The following PREX1 variants were observed in gnomAD, a reference collection of about 807,000 sequenced individuals.
PREX1 encodes the protein phosphatidylinositol-3,4,5-trisphosphate dependent Rac exchange factor 1.
Under a neutral mutation model 198.3 loss-of-function variants are expected in PREX1, and 41 were observed. That is an observed-to-expected ratio of 0.21 (90% CI 0.16 to 0.27). The LOEUF is 0.27. Ranked by LOEUF, PREX1 falls within the 10% of genes least tolerant of loss-of-function variation. The pLI, the probability that PREX1 is intolerant of heterozygous loss-of-function variation, is 1.00. For missense variants in PREX1, 1,620 were observed against 2,200.7 expected, an observed-to-expected ratio of 0.74 and a Z score of 5.28; for synonymous variants, 843 against 887.2, an observed-to-expected ratio of 0.95 and a Z score of 0.89.
chr20:48,653,292 G>A (rs1431793013), intron 20 of PREX1, 69 bp downstream of exon 20: 2 of 1,574,044 alleles, frequency 1.3e-6, no homozygotes, highest in East Asian at 2.3e-5. Context: ...CTAAAGAGAG[G>A]ACAGCCCTCA....
At chr20:48,713,857 T>TAAAAAAAAAAAAA (rs71337452) in intron 5 of PREX1, among the ~76,000 whole-genome samples, 4 of 81,702 alleles carry the variant, frequency 4.9e-5, no homozygotes, top group Admixed American at 1.1e-4. Flanking sequence ...CCCAGAACTA[T>TAAAAAAAAAAAAA]AAAAAAAAAA....
chr20:48,689,430 C>T (rs1156700207), intron 9 of PREX1, among the ~76,000 whole-genome samples: 5 of 152,136 alleles, frequency 3.3e-5, no homozygotes, highest in African/African-American at 9.7e-5. Flanking sequence ...CGGTTCTCTG[C>T]CCAAGGTTGC....
At chr20:48,744,858 T>G (rs2090100461) in intron 3 of PREX1, among the ~76,000 whole-genome samples, 167 bp downstream of exon 3, 1 of 152,164 alleles carries the variant, frequency 6.6e-6, no homozygotes, top group Non-Finnish European at 1.5e-5. Context: ...CCTGACCTAC[T>G]TCCCATAGTT....
At chr20:48,725,752 T>C (rs1376810928) in intron 5 of PREX1, among the ~76,000 whole-genome samples, 1 of 152,154 alleles carries the variant, frequency 6.6e-6, no homozygotes, top group African/African-American at 2.4e-5. Flanking sequence ...TCTCAGCCAA[T>C]CAGAACACAA....
the PREX1 span, among the ~76,000 whole-genome samples, chr20:48,862,807 A>ATATATATGTGTGTG: frequency 3.2e-5 from 4 of 126,706 alleles, no homozygotes; most frequent in African/African-American, 1.3e-4. Context: ...ATATATATAT[A>ATATATATGTGTGTG]TATATACTAA....
At chr20:48,661,435 A>AC (rs1568809775) in intron 15 of PREX1, among the ~76,000 whole-genome samples, 4 of 108,646 alleles carry the variant, frequency 3.7e-5, no homozygotes, top group African/African-American at 2.1e-4. Context: ...AAAAAAAAAA[A>AC]AAAAAAAAAA....
intron 7 of PREX1, among the ~76,000 whole-genome samples, chr20:48,698,432 C>A (rs1164676593): frequency 3.3e-5 from 5 of 152,126 alleles, no homozygotes; most frequent in African/African-American, 4.8e-5. Context: ...GGCAGAGCGG[C>A]GGGGCAGGGC....
chr20:48,629,386 C>T, intron 37 of PREX1, 63 bp downstream of exon 37: 2 of 1,579,072 alleles, frequency 1.3e-6, no homozygotes, highest in Non-Finnish European at 1.7e-6. Context: ...CCACAGGACC[C>T]CAAACTGACC....
chr20:48,820,434 C>G (rs2090479443), intron 1 of PREX1, among the ~76,000 whole-genome samples: 1 of 152,150 alleles, frequency 6.6e-6, no homozygotes. Flanking sequence ...CAAGGTGGCT[C>G]GAGAGTCTGT....
At chr20:48,842,212 A>C in the PREX1 span, among the ~76,000 whole-genome samples, 1 of 152,236 alleles carries the variant, frequency 6.6e-6, no homozygotes, top group Admixed American at 6.5e-5. Flanking sequence ...TCTGATTAAG[A>C]ATGTGGCACA....
chr20:48,774,159 A>G (rs2090250281), intron 1 of PREX1, among the ~76,000 whole-genome samples: 1 of 152,142 alleles, frequency 6.6e-6, no homozygotes, highest in African/African-American at 2.4e-5. Flanking sequence ...TTTAAGTCTG[A>G]CCTCACGCAA....
intron 35 of PREX1, 72 bp from the exon 36 acceptor site, chr20:48,630,866 A>C: frequency 1.7e-6 from 2 of 1,179,898 alleles, no homozygotes; most frequent in Non-Finnish European, 2.5e-6. Flanking sequence ...CCAGGTCTCA[A>C]CTCCTGCAGC....
At chr20:48,678,552 G>C (rs1305508447) in intron 13 of PREX1, among the ~76,000 whole-genome samples, 5 of 152,134 alleles carry the variant, frequency 3.3e-5, no homozygotes, top group African/African-American at 4.8e-5. Context: ...ATCTCATCTT[G>C]AATGGCAGCT....
intron 1 of PREX1, among the ~76,000 whole-genome samples, chr20:48,794,093 C>G (rs779367612): frequency 6.6e-6 from 1 of 152,120 alleles, no homozygotes; most frequent in African/African-American, 2.4e-5. Context: ...GTGGGAGGAC[C>G]CCCTTATGAA....
At chr20:48,883,911 T>A in the PREX1 span, among the ~76,000 whole-genome samples, 1 of 151,936 alleles carries the variant, frequency 6.6e-6, no homozygotes. Flanking sequence ...GGGGCTGAGG[T>A]GGGCAGATCA....
chr20:48,765,643 G>A (rs1601122346), intron 1 of PREX1, among the ~76,000 whole-genome samples: 1 of 152,240 alleles, frequency 6.6e-6, no homozygotes, highest in East Asian at 1.9e-4. Flanking sequence ...GACGGAGCCA[G>A]ACCTAAGTGC....
intron 2 of PREX1, 118 bp downstream of exon 2, chr20:48,747,691 G>A (rs979749134): frequency 3.2e-5 from 38 of 1,169,814 alleles, no homozygotes; most frequent in Middle Eastern, 5.5e-4. Flanking sequence ...CTGGCGGCCA[G>A]CAGCCAGCGG....
chr20:48,848,736 A>G, the PREX1 span, among the ~76,000 whole-genome samples: 1 of 152,110 alleles, frequency 6.6e-6, no homozygotes, highest in Non-Finnish European at 1.5e-5. Context: ...GTATAGATAT[A>G]TAACATTTTT....
At chr20:48,760,433 C>G (rs1223019308) in intron 1 of PREX1, among the ~76,000 whole-genome samples, 5 of 152,064 alleles carry the variant, frequency 3.3e-5, no homozygotes, top group African/African-American at 1.2e-4. Context: ...TCCTCATCAC[C>G]ACCAGCGCAC....
Sources: allele counts gnomAD v4.1 joint callset (sites outside exome capture counted in the v4.1 genomes callset), GRCh38; gene constraint gnomAD v4.1.1; transcripts MANE v1.5; gene names NCBI Gene and HGNC (gene_info 2026-07-23, HGNC 2026-07-21).